Variants in ZBTB21 observed in about 807,000 individuals in gnomAD.
ZBTB21 encodes the protein zinc finger and BTB domain-containing protein 21.
Under a neutral mutation model 39.8 loss-of-function variants are expected in ZBTB21, and 10 were observed. The observed-to-expected ratio is 0.25, with a 90% CI of 0.16 to 0.43. The LOEUF (loss-of-function observed/expected upper bound fraction) is 0.43. Among genes scored for constraint, ZBTB21 ranks in the 20% least tolerant of loss-of-function variants. The pLI is 1.00. For missense variants in ZBTB21, 1,221 were observed against 1,296.3 expected (o/e 0.94, Z 0.89); for synonymous variants, 551 against 498.8 (o/e 1.10, Z -1.40).
In ZBTB21 at chr21:41,993,899, G is replaced by A. The variant is rs1234888993; in HGVS notation, c.197C>T (p.Ser66Leu). Residue 66 changes from serine to leucine, a missense_variant, in exon 3 of 3, where the codon TCA becomes TTA. Physicochemically the swap from Ser to Leu is moderately radical, Grantham distance 145. Around this residue, in one of 4 missense-constraint regions of ZBTB21, gnomAD observed 108 missense variants for 155.0 expected, o/e 0.70. Transcript: ENST00000310826. Reference protein sequence around the residue: ...QSLFTNKENESQTVFQLDFCE... With the variant: ...QSLFTNKENELQTVFQLDFCE... Reference sequence around the variant, plus strand: ...GAAGTCAAGCTGAAATACAGTTTGTGACTCATTTTCCTTATTTGTGAATAA... The same window carrying A: ...GAAGTCAAGCTGAAATACAGTTTGTAACTCATTTTCCTTATTTGTGAATAA... The A allele has an allele frequency of 1.2e-6, 2 of 1,613,924 alleles. No individual in the cohort carries two copies. The highest frequency in any genetic ancestry group is 1.7e-5 in the Admixed American group (1 of 59,978).
In ZBTB21 at chr21:41,992,779, G is replaced by A; in HGVS notation, c.1317C>T (p.Asp439=). 1 of 1,614,072 alleles carries A rather than the reference G, an allele frequency of 6.2e-7. No homozygotes were observed. The highest frequency in any genetic ancestry group is 8.5e-7 in the Non-Finnish European group (1 of 1,180,040). ...IKTEPSSPLS[D]PSDIIRVTVG... ...CAGTGACGCGGATGATGTCCGAGGG[G>A]TCCGACAGCGGGCTGCTGGGCTCAG... The change falls in exon 3 of 3, where the codon GAC becomes GAT. Residue 439 remains aspartate (D), a synonymous_variant. Transcript: ENST00000310826. This position sits in a 1 kb window ranked among gnomAD's most constrained non-coding sequence, Gnocchi z 4.1.
In ZBTB21 at chr21:41,993,633, T is replaced by C; in HGVS notation, c.463A>G (p.Arg155Gly). ...QKRSVIVCQS[R>G]NEAQGKTVSQ... ...ACAGTTTTTCCTTGCGCTTCGTTTC[T>C]ACTTTGACAAACAATGACACTTCTC... The change falls in exon 3 of 3, where the codon AGA (arginine) becomes GGA (glycine). Residue 155 changes from arginine (R) to glycine (G), a missense_variant. By Grantham distance (125) the Arg-to-Gly change is moderately radical. Transcript: ENST00000310826. 1 of 1,614,250 alleles carries C rather than the reference T, an allele frequency of 6.2e-7. No individual in the cohort carries two copies. Among genetic ancestry groups the C allele is most frequent in the Non-Finnish European group, 8.5e-7 (1 of 1,180,040 alleles).
rs2065652424 is a variant in ZBTB21 at position 41,991,411 on chromosome 21, T to C, written c.2685A>G (p.Thr895=). The C allele has an allele frequency of 6.2e-7, 1 of 1,609,960 alleles. No individual in the cohort carries two copies. The highest frequency in any genetic ancestry group is 8.5e-7 in the Non-Finnish European group (1 of 1,178,392). Residue 895 remains threonine (T), a synonymous_variant, in exon 3 of 3, where the codon ACA becomes ACG. Transcript: ENST00000310826. This position sits in a 1 kb window ranked among gnomAD's most constrained non-coding sequence, Gnocchi z 4.9. ...EAEEEAPEAS[T]APKEAGPSKE... ...TGCTAGGACCCGCTTCTTTGGGGGC[T>C]GTGCTGGCCTCGGGTGCCTCTTCTT...
At chr21:42,009,585 G>C (rs1674225056) in intron 1 of ZBTB21, 1 of 152,648 alleles carries the variant, frequency 6.6e-6, no homozygotes. Flanking sequence ...CCCAGACAAG[G>C]TCTGCGGGGG....
chr21:41,995,917 G>T (rs1024611523), intron 2 of ZBTB21, among the ~76,000 whole-genome samples: 1 of 152,260 alleles, frequency 6.6e-6, no homozygotes, highest in African/African-American at 2.4e-5. Flanking sequence ...AGCCTTGGCG[G>T]CTTCCATGTG....
intron 2 of ZBTB21, among the ~76,000 whole-genome samples, chr21:41,996,797 G>C (rs1487047167): frequency 6.6e-6 from 1 of 152,208 alleles, no homozygotes; most frequent in Non-Finnish European, 1.5e-5. Context: ...CACCCAGTGG[G>C]AAGTAACTGG....
chr21:42,002,511 A>G (rs2065830083), intron 2 of ZBTB21: 2 of 152,176 alleles, frequency 1.3e-5, no homozygotes. Flanking sequence ...CTGCTGTCAG[A>G]TAAGGCGAGC....
At chr21:41,998,295 G>C (rs1262519293) in intron 2 of ZBTB21, among the ~76,000 whole-genome samples, 1 of 151,050 alleles carries the variant, frequency 6.6e-6, no homozygotes, top group Non-Finnish European at 1.5e-5. Context: ...GGGTTCAAAC[G>C]ATTCTCCTGC....
In ZBTB21 at chr21:41,989,774, AAGAG is replaced by A. The variant is rs545445377; in HGVS notation, c.*1117_*1120del. On this transcript the variant is annotated 3_prime_UTR_variant, in exon 3 of 3. Transcript: ENST00000310826. ...AACAAATTCTAACAGAAATTGTCAC[AAGAG>A]AGAGGCAGGAAAATGTATATGTCGT... The A allele has an allele frequency of 6.6e-6, 1 of 152,160 alleles. No homozygotes were observed. Among genetic ancestry groups the A allele is most frequent in the African/African-American group, 2.4e-5 (1 of 41,454 alleles). 9.4% of individuals were successfully genotyped at this position (152,160 alleles called of 1,614,324 possible).
chr21:41,991,063 T>C lies in ZBTB21; in HGVS notation c.3033A>G (p.Pro1011=). 1 of 1,592,184 alleles carries C rather than the reference T, an allele frequency of 6.3e-7. No homozygotes were observed. The highest frequency in any genetic ancestry group is 8.5e-7 in the Non-Finnish European group (1 of 1,169,632). Residue 1011 remains proline, a synonymous_variant, in exon 3 of 3, where the codon CCA becomes CCG. Coordinates refer to ENST00000310826, the MANE Select transcript of ZBTB21 (RefSeq NM_001098402.2). The surrounding 1 kb of genome is among the most constrained non-coding windows in gnomAD (Gnocchi z 4.9). The part of the protein sequence containing the change: ...PDSPTGLSEN[P]TPATEKLFVP... Reference sequence around the variant, plus strand: ...CAAACAGTTTTTCTGTGGCTGGAGTTGGGTTTTCGGACAGGCCTGTGGGGC... The same window carrying C: ...CAAACAGTTTTTCTGTGGCTGGAGTCGGGTTTTCGGACAGGCCTGTGGGGC...
chr21:42,009,815 G>A (rs1369537540), intron 1 of ZBTB21, among the ~76,000 whole-genome samples: 11 of 151,956 alleles, frequency 7.2e-5, no homozygotes, highest in Non-Finnish European at 1.2e-4. Context: ...CCCGCGGCCC[G>A]GGCCGCCGGC....
rs1332392622 is a variant in ZBTB21 at position 41,994,951 on chromosome 21, C to T, written c.-13-843G>A. 2.0e-5 allele frequency among the ~76,000 whole-genome samples: 3 copies of T among 152,216 alleles called. No individual in the cohort carries two copies. In the South Asian group the frequency reaches 6.2e-4, roughly 32 times the overall value. ...AGGAGTTCCCCTACACAAGTTCTCT[C>T]TTCCCTGCTGCCATGTGAGATGTGA... On this transcript the variant is annotated intron_variant, in intron 2 of 2. Coordinates refer to ENST00000310826, the MANE Select transcript of ZBTB21 (RefSeq NM_001098402.2).
At chr21:41,999,523 A>G (rs771153354) in intron 2 of ZBTB21, among the ~76,000 whole-genome samples, 4 of 152,260 alleles carry the variant, frequency 2.6e-5, no homozygotes, top group Non-Finnish European at 5.9e-5. Flanking sequence ...TTACCTCGCC[A>G]TAAAATAAGG....
chr21:41,993,024 C>T lies in ZBTB21; in HGVS notation c.1072G>A (p.Asp358Asn). The change falls in exon 3 of 3, where the codon GAT (aspartate) becomes AAT (asparagine). Residue 358 changes from aspartate (D) to asparagine (N), a missense_variant. By Grantham distance (23) the Asp-to-Asn change is conservative. This residue lies in a region of ZBTB21 where 500 missense variants were observed against 465.6 expected (regional missense o/e 1.07). Coordinates refer to ENST00000310826, the MANE Select transcript of ZBTB21 (RefSeq NM_001098402.2). ...GATGATCCCTGGGAAGATTTCAAAT[C>T]TATGGAAGGTGAATAGACAGGAACC... ...SQVPVYSPSI[D>N]LKSSQGSSSV... The T allele has an allele frequency of 6.2e-7, 1 of 1,614,184 alleles. No individual in the cohort carries two copies. The highest frequency in any genetic ancestry group is 1.3e-5 in the African/African-American group (1 of 75,040).
chr21:41,992,064 C>A lies in ZBTB21; in HGVS notation c.2032G>T (p.Ala678Ser). 1 of 1,614,232 alleles carries A rather than the reference C, an allele frequency of 6.2e-7. No homozygotes were observed. Among genetic ancestry groups the A allele is most frequent in the Non-Finnish European group, 8.5e-7 (1 of 1,180,046 alleles). The change falls in exon 3 of 3, where the codon GCG becomes TCG. Residue 678 changes from alanine to serine, a missense_variant. Transcript: ENST00000310826. The surrounding 1 kb of genome is among the most constrained non-coding windows in gnomAD (Gnocchi z 4.1). ...TTAAATTGAGAGAGAAAGCGGTACG[C>A]TTTTCCGCAGTAAGTACAAATGTAA... ...GAYICTYCGK[A>S]YRFLSQFKQH...
Position 41,987,149 on chromosome 21 carries a change from CTG to C in ZBTB21, c.*3744_*3745del. 1 of 152,388 alleles carries C rather than the reference CTG, an allele frequency of 6.6e-6. No homozygotes were observed. The highest frequency in any genetic ancestry group is 1.9e-4 in the East Asian group (1 of 5,194). 9.4% of individuals were successfully genotyped at this position (152,388 alleles called of 1,614,324 possible). On this transcript the variant is annotated 3_prime_UTR_variant, in exon 3 of 3. Coordinates refer to ENST00000310826, the MANE Select transcript of ZBTB21 (RefSeq NM_001098402.2). ...GAAAACTAGTATTAACTGAGTATAA[CTG>C]TGTGAAAAATCTGGACAGCATTAAC...
Position 41,991,034 on chromosome 21 carries a change from G to T in ZBTB21, c.3062C>A (p.Pro1021His). The part of the protein sequence containing the change: ...PTPATEKLFV[P>H]QESDTLFYHA... ...GTAAAAAAGGGTGTCTGATTCTTGG[G>T]GCACAAACAGTTTTTCTGTGGCTGG... is the stretch of plus-strand genomic sequence containing the variant. The change falls in exon 3 of 3, where the codon CCC (proline) becomes CAC (histidine). Residue 1021 changes from proline to histidine, a missense_variant. Around this residue, in one of 4 missense-constraint regions of ZBTB21, gnomAD observed 523 missense variants for 542.5 expected, o/e 0.96. Coordinates refer to ENST00000310826, the MANE Select transcript of ZBTB21 (RefSeq NM_001098402.2). The surrounding 1 kb of genome is among the most constrained non-coding windows in gnomAD (Gnocchi z 4.9). 6.3e-7 allele frequency: 1 copy of T among 1,583,318 alleles called. No homozygotes were observed. The highest frequency in any genetic ancestry group is 8.6e-7 in the Non-Finnish European group (1 of 1,165,798).
intron 2 of ZBTB21, among the ~76,000 whole-genome samples, chr21:41,995,471 C>CTAAATCTGCCAGA (rs1187214847): frequency 6.6e-6 from 1 of 152,184 alleles, no homozygotes; most frequent in Non-Finnish European, 1.5e-5. Flanking sequence ...TTTAGGGTAT[C>CTAAATCTGCCAGA]TGGCAGAAGG....
chr21:41,988,460 A>G lies in ZBTB21; in HGVS notation c.*2435T>C, dbSNP rs1167371410. 6.6e-6 allele frequency: 1 copy of G among 152,236 alleles called. No individual in the cohort carries two copies. Among genetic ancestry groups the G allele is most frequent in the African/African-American group, 2.4e-5 (1 of 41,472 alleles). 9.4% of individuals were successfully genotyped at this position (152,236 alleles called of 1,614,324 possible). ...CCTACTGGCTGAGATAAACATTCTTAAAAAACTTTACTGAATAAAGTAATT... is the reference window on the plus strand; with the variant it reads ...CCTACTGGCTGAGATAAACATTCTTGAAAAACTTTACTGAATAAAGTAATT... On this transcript the variant is annotated 3_prime_UTR_variant, in exon 3 of 3. Transcript: ENST00000310826.
Sources: gnomAD v4.1 joint callset for allele counts (sites outside exome capture counted in the v4.1 genomes callset) on GRCh38, gnomAD v4.1.1 for gene constraint, gnomAD v4.1.1 regional missense constraint, Gnocchi (gnomAD v3.1) non-coding constraint, MANE v1.5 for transcripts, NCBI Gene and HGNC (gene_info 2026-07-23, HGNC 2026-07-21) for gene names.